Variants in GPR176 observed in about 807,000 individuals in gnomAD.
GPR176 encodes G-protein coupled receptor 176.
Under a neutral mutation model 35.4 loss-of-function variants are expected in GPR176, and 26 were observed. The ratio of observed to expected loss-of-function variants is 0.74; its 90% CI spans 0.54 to 1.02. GPR176 has a LOEUF of 1.02. GPR176 is among the 50% of genes least tolerant of loss of function. GPR176 has a pLI of 0.00. For synonymous variants in GPR176, 278 were observed against 271.3 expected, an observed-to-expected ratio of 1.02 and a Z score of -0.24; for missense variants, 597 against 665.3, an observed-to-expected ratio of 0.90 and a Z score of 1.13.
At chr15:39,883,314 C>T (rs2032550531) in intron 1 of GPR176, among the ~76,000 whole-genome samples, 1 of 151,922 alleles carries the variant, frequency 6.6e-6, no homozygotes, top group African/African-American at 2.4e-5. Context: ...AGATATTTTA[C>T]TTCAGAATTA....
chr15:39,811,646 G>C lies in GPR176; in HGVS notation c.173-4388C>G, dbSNP rs545268612. On this transcript the variant is annotated intron_variant, in intron 1 of 2. Transcript: ENST00000561100. Reference sequence around the variant, plus strand: ...CAAAAAGTTCCAGATTCGGGGTGTGGTGGCTCACACCTGTAATCCCAGCAC... The same window carrying C: ...CAAAAAGTTCCAGATTCGGGGTGTGCTGGCTCACACCTGTAATCCCAGCAC... Among the ~76,000 whole-genome samples the C allele has an allele frequency of 1.1e-4, 16 of 152,246 alleles. No homozygotes were observed. The South Asian group carries it at 3.3e-3, about 32-fold the overall frequency.
At chr15:39,866,174 T>C (rs1302192981) in intron 1 of GPR176, among the ~76,000 whole-genome samples, 1 of 152,138 alleles carries the variant, frequency 6.6e-6, no homozygotes, top group East Asian at 1.9e-4. Context: ...TATTTGCTTA[T>C]TTTTGCAAAA....
intron 1 of GPR176, among the ~76,000 whole-genome samples, chr15:39,878,126 G>GTGTA (rs1276556736): frequency 5.3e-5 from 8 of 150,300 alleles, no homozygotes. Flanking sequence ...GTGTGTGTGT[G>GTGTA]TGTGTGTGTT....
intron 1 of GPR176, among the ~76,000 whole-genome samples, chr15:39,833,779 T>G (rs1901237399): frequency 6.6e-6 from 1 of 152,152 alleles, no homozygotes; most frequent in African/African-American, 2.4e-5. Context: ...AAAGGTTGCT[T>G]TTAGTGACTG....
At chr15:39,886,436 C>T (rs958724300) in intron 1 of GPR176, among the ~76,000 whole-genome samples, 2 of 152,026 alleles carry the variant, frequency 1.3e-5, no homozygotes, top group Non-Finnish European at 2.9e-5. Flanking sequence ...TCCCCCACCC[C>T]CATCTTGATT....
At chr15:39,806,528 A>G (rs1343975323) in intron 2 of GPR176, among the ~76,000 whole-genome samples, 1 of 152,260 alleles carries the variant, frequency 6.6e-6, no homozygotes, top group Non-Finnish European at 1.5e-5. Context: ...AGCCTTGGAA[A>G]TAAATCCTCC....
intron 1 of GPR176, among the ~76,000 whole-genome samples, chr15:39,864,332 A>G (rs191072792): frequency 6.6e-6 from 1 of 152,338 alleles, no homozygotes; most frequent in East Asian, 1.9e-4. Context: ...ACCCAGAAAT[A>G]AAGTCATATA....
At chr15:39,820,012 G>A (rs545694127) in intron 1 of GPR176, among the ~76,000 whole-genome samples, 1 of 152,292 alleles carries the variant, frequency 6.6e-6, no homozygotes, top group East Asian at 1.9e-4. Context: ...AAAAGGAGAG[G>A]CCTGAGGGTA....
chr15:39,806,580 T>C (rs954268831), intron 2 of GPR176, among the ~76,000 whole-genome samples: 1 of 152,208 alleles, frequency 6.6e-6, no homozygotes, highest in African/African-American at 2.4e-5. Flanking sequence ...AAGTGGACCA[T>C]CTAATCGCTT....
Position 39,802,021 on chromosome 15 carries a change from A to C in GPR176, c.659T>G (p.Val220Gly), listed in dbSNP as rs142110425. The C allele has an allele frequency of 4.2e-5, 67 of 1,613,956 alleles. 1 individual carries two copies. The Admixed American group carries it at 1.1e-3, about 27-fold the overall frequency. The change falls in exon 3 of 3, where the codon GTG (valine) becomes GGG (glycine). Residue 220 changes from valine (V) to glycine (G), a missense_variant. This residue lies in a region of GPR176 where 220 missense variants were observed against 297.6 expected (regional missense o/e 0.74). Transcript: ENST00000561100. ...NITTVIVPVV[V>G]VFLFLILIRR... ...GATCAGTATCAAGAAGAGGAACACC[A>C]CCACCACAGGCACAATGACCGTGGT...
chr15:39,819,237 T>C (rs172104), intron 1 of GPR176, among the ~76,000 whole-genome samples: 99,370 of 152,116 alleles, frequency 0.65, 32,587 homozygotes, highest in Admixed American at 0.71. Flanking sequence ...CTACACAGGC[T>C]ATCTTACCAA....
At chr15:39,872,136 T>C (rs1304345083) in intron 1 of GPR176, among the ~76,000 whole-genome samples, 1 of 152,178 alleles carries the variant, frequency 6.6e-6, no homozygotes, top group African/African-American at 2.4e-5. Context: ...GGCAGCTGCA[T>C]GAAAATAACT....
intron 1 of GPR176, among the ~76,000 whole-genome samples, chr15:39,883,381 A>T (rs887533692): frequency 5.2e-4 from 78 of 151,174 alleles, no homozygotes; most frequent in African/African-American, 1.6e-3. Flanking sequence ...CATGCTTTTT[A>T]AAAAAAAACA....
intron 1 of GPR176, among the ~76,000 whole-genome samples, chr15:39,852,700 G>T (rs1297486816): frequency 6.6e-6 from 1 of 152,172 alleles, no homozygotes; most frequent in African/African-American, 2.4e-5. Flanking sequence ...TTAAAAGCAT[G>T]TATGAATATC....
intron 1 of GPR176, among the ~76,000 whole-genome samples, chr15:39,914,171 T>A (rs1161274622): frequency 2.0e-5 from 3 of 152,192 alleles, no homozygotes; most frequent in African/African-American, 7.2e-5. Context: ...GAATTTAATT[T>A]CCAGGAAGAA....
chr15:39,813,483 C>A (rs1440122839), intron 1 of GPR176: 1 of 152,350 alleles, frequency 6.6e-6, no homozygotes, highest in South Asian at 2.1e-4. Context: ...GATATCACTC[C>A]ATTGTCTTCT....
At chr15:39,828,838 G>A (rs1900864496) in intron 1 of GPR176, among the ~76,000 whole-genome samples, 1 of 152,194 alleles carries the variant, frequency 6.6e-6, no homozygotes, top group African/African-American at 2.4e-5. Flanking sequence ...TGAGTTTACA[G>A]TACAGCAAAA....
chr15:39,917,305 T>A (rs958557602), intron 1 of GPR176, among the ~76,000 whole-genome samples: 35 of 148,412 alleles, frequency 2.4e-4, no homozygotes, highest in Admixed American at 1.2e-3. Context: ...AAAATAAAAA[T>A]AAGTAACAGG....
At chr15:39,873,952 T>A (rs1163478526) in intron 1 of GPR176, among the ~76,000 whole-genome samples, 1 of 152,206 alleles carries the variant, frequency 6.6e-6, no homozygotes. Flanking sequence ...GGCAGGTTTT[T>A]AAATTACTGT....
Sources: gnomAD v4.1 joint callset for allele counts (sites outside exome capture counted in the v4.1 genomes callset) on GRCh38, gnomAD v4.1.1 for gene constraint, gnomAD v4.1.1 regional missense constraint, MANE v1.5 for transcripts, NCBI Gene and HGNC (gene_info 2026-07-23, HGNC 2026-07-21) for gene names.